AGBL4: variants seen among roughly 807,000 people sequenced by gnomAD.
The protein encoded by AGBL4 is AGBL carboxypeptidase 4.
A neutral mutation model predicts 66.4 loss-of-function variants in AGBL4; 58 were observed. The observed-to-expected ratio is 0.87, with a 90% CI of 0.71 to 1.09. AGBL4 has a LOEUF of 1.09. AGBL4 is among the 50% of genes least tolerant of loss of function. The probability of loss-of-function intolerance (pLI) is 0.00; values close to 1 mark genes in which losing one functional copy is unlikely to be tolerated. For synonymous variants in AGBL4, 234 were observed against 222.9 expected (o/e 1.05, Z -0.44); for missense variants, 579 against 631.0 (o/e 0.92, Z 0.88).
intron 5 of AGBL4, among the ~76,000 whole-genome samples, chr1:48,985,061 C>G (rs572461654): frequency 6.6e-6 from 1 of 152,070 alleles, no homozygotes; most frequent in South Asian, 2.1e-4. Flanking sequence ...TACCCTCCCA[C>G]CTGAAAAAAC....
intron 11 of AGBL4, among the ~76,000 whole-genome samples, chr1:48,543,671 G>C (rs946316629): frequency 1.3e-4 from 20 of 152,180 alleles, no homozygotes; most frequent in Admixed American, 3.9e-4. Context: ...CAGGACCATG[G>C]AGATGGACAA....
chr1:49,882,932 C>A (rs1027125323), intron 1 of AGBL4, among the ~76,000 whole-genome samples: 1 of 152,068 alleles, frequency 6.6e-6, no homozygotes, highest in African/African-American at 2.4e-5. Flanking sequence ...AAATGTCCCA[C>A]CAGACATTCA....
intron 5 of AGBL4, among the ~76,000 whole-genome samples, chr1:48,890,189 G>T (rs1054023104): frequency 2.0e-5 from 3 of 151,966 alleles, no homozygotes; most frequent in African/African-American, 7.3e-5. Flanking sequence ...TCTCACGCAG[G>T]TTTACCCATA....
chr1:48,843,225 T>C (rs1367445052), intron 6 of AGBL4, among the ~76,000 whole-genome samples: 1 of 152,150 alleles, frequency 6.6e-6, no homozygotes, highest in Non-Finnish European at 1.5e-5. Context: ...TTTATATGTG[T>C]AATAAAATTG....
At chr1:48,719,134 GAC>G (rs1225223786) in intron 6 of AGBL4, among the ~76,000 whole-genome samples, 1 of 152,144 alleles carries the variant, frequency 6.6e-6, no homozygotes, top group Non-Finnish European at 1.5e-5. Context: ...GGAAAGACCT[GAC>G]AGAGACATGT....
intron 1 of AGBL4, among the ~76,000 whole-genome samples, chr1:49,881,233 G>A (rs1647268727): frequency 6.6e-6 from 1 of 152,020 alleles, no homozygotes; most frequent in Admixed American, 6.6e-5. Context: ...ATTTTTTATG[G>A]CTGCATAGTA....
chr1:49,160,339 G>A (rs1280387551), intron 4 of AGBL4, among the ~76,000 whole-genome samples: 3 of 152,120 alleles, frequency 2.0e-5, no homozygotes, highest in Non-Finnish European at 4.4e-5. Flanking sequence ...AGGTCTGCTG[G>A]AGTTTGCTGG....
chr1:48,569,363 G>A (rs979645273), intron 11 of AGBL4, among the ~76,000 whole-genome samples: 4 of 152,178 alleles, frequency 2.6e-5, no homozygotes, highest in Non-Finnish European at 5.9e-5. Flanking sequence ...GTAAATATCT[G>A]TTTTGTGTTT....
intron 5 of AGBL4, among the ~76,000 whole-genome samples, chr1:49,021,837 G>A (rs1442288404): frequency 6.6e-6 from 1 of 152,058 alleles, no homozygotes; most frequent in Non-Finnish European, 1.5e-5. Context: ...TTTCTTAGCT[G>A]GGAAAATAGG....
intron 3 of AGBL4, among the ~76,000 whole-genome samples, chr1:49,524,297 T>C (rs1650491162): frequency 6.6e-6 from 1 of 152,084 alleles, no homozygotes; most frequent in South Asian, 2.1e-4. Flanking sequence ...TCGTATCAGG[T>C]AAGTATTGTT....
intron 2 of AGBL4, among the ~76,000 whole-genome samples, chr1:49,747,731 T>A (rs1651096484): frequency 6.6e-6 from 1 of 152,148 alleles, no homozygotes. Context: ...ATTGGAAACT[T>A]ACTGAGGATG....
chr1:49,428,479 T>C (rs1214646671), intron 3 of AGBL4, among the ~76,000 whole-genome samples: 1 of 152,160 alleles, frequency 6.6e-6, no homozygotes, highest in Non-Finnish European at 1.5e-5. Flanking sequence ...AATACTGACC[T>C]GATGTTTTGG....
At chr1:49,848,659 GT>G (rs1367619304) in intron 2 of AGBL4, among the ~76,000 whole-genome samples, 1 of 152,134 alleles carries the variant, frequency 6.6e-6, no homozygotes, top group Non-Finnish European at 1.5e-5. Context: ...ACTCAGAAGG[GT>G]AGGAGGGGTC....
chr1:49,537,923 T>C (rs1314532588), intron 3 of AGBL4, among the ~76,000 whole-genome samples: 4 of 145,646 alleles, frequency 2.7e-5, no homozygotes, highest in Admixed American at 2.7e-4. Flanking sequence ...TGAGACTCCA[T>C]CTCAAAAAAA....
chr1:49,971,739 T>C (rs1283663407), intron 1 of AGBL4, among the ~76,000 whole-genome samples: 3 of 151,844 alleles, frequency 2.0e-5, no homozygotes, highest in African/African-American at 2.4e-5. Flanking sequence ...AATGTTCCAA[T>C]TGATGGCAAC....
chr1:49,164,620 T>C (rs1236208705), intron 4 of AGBL4, among the ~76,000 whole-genome samples: 1 of 152,218 alleles, frequency 6.6e-6, no homozygotes, highest in African/African-American at 2.4e-5. Flanking sequence ...TCTGTATTCA[T>C]GTCTAACTCT....
intron 3 of AGBL4, among the ~76,000 whole-genome samples, chr1:49,475,665 GT>G (rs898329112): frequency 1.3e-5 from 2 of 151,902 alleles, no homozygotes; most frequent in African/African-American, 4.8e-5. Context: ...CCAAAGTTGT[GT>G]GTTTCTAGAA....
At chr1:49,179,744 TAAGAG>T (rs1489597776) in intron 4 of AGBL4, among the ~76,000 whole-genome samples, 1 of 151,898 alleles carries the variant, frequency 6.6e-6, no homozygotes, top group Non-Finnish European at 1.5e-5. Context: ...TCTGTCTTAG[TAAGAG>T]AACAGATGTA....
At chr1:49,027,213 T>A (rs1357837582) in intron 5 of AGBL4, among the ~76,000 whole-genome samples, 1 of 152,066 alleles carries the variant, frequency 6.6e-6, no homozygotes, top group Non-Finnish European at 1.5e-5. Context: ...CATGCTGGAG[T>A]GCAATGGCGT....
Sources: gnomAD v4.1 joint callset for allele counts (sites outside exome capture counted in the v4.1 genomes callset) on GRCh38, gnomAD v4.1.1 for gene constraint, MANE v1.5 for transcripts, NCBI Gene and HGNC (gene_info 2026-07-23, HGNC 2026-07-21) for gene names.